The following TTC28 variants were observed in gnomAD, a reference collection of about 807,000 sequenced individuals.
TTC28 encodes tetratricopeptide repeat protein 28.
A neutral mutation model predicts 198.0 loss-of-function variants in TTC28; 61 were observed. The observed-to-expected ratio is 0.31, with a 90% CI of 0.25 to 0.38. The LOEUF (loss-of-function observed/expected upper bound fraction) is 0.38, where lower values mean the gene tolerates loss of function less well. Ranked by LOEUF, TTC28 falls within the 10% of genes least tolerant of loss-of-function variation. The pLI is 1.00. For missense variants in TTC28, 2,678 were observed against 3,164.0 expected (o/e 0.85, Z 3.69); for synonymous variants, 1,171 against 1,297.8 (o/e 0.90, Z 2.10).
chr22:28,138,321 C>CA (rs1201116025), intron 6 of TTC28, among the ~76,000 whole-genome samples: 2 of 152,140 alleles, frequency 1.3e-5, no homozygotes, highest in Admixed American at 6.5e-5. Context: ...TAAAGGGATG[C>CA]ACTGCTAGAC....
chr22:28,576,814 T>C (rs376277554), intron 2 of TTC28, among the ~76,000 whole-genome samples: 2 of 152,238 alleles, frequency 1.3e-5, no homozygotes, highest in East Asian at 3.9e-4. Flanking sequence ...ATTTCTGCAG[T>C]ATCAGATGTA....
chr22:28,570,171 A>G (rs1463893585), intron 2 of TTC28, among the ~76,000 whole-genome samples: 3 of 152,230 alleles, frequency 2.0e-5, no homozygotes, highest in Non-Finnish European at 4.4e-5. Flanking sequence ...ATAACTTAAA[A>G]TAGAACTACT....
intron 2 of TTC28, among the ~76,000 whole-genome samples, chr22:28,321,366 T>C (rs1183642794): frequency 5.3e-5 from 8 of 152,236 alleles, no homozygotes; most frequent in Non-Finnish European, 1.2e-4. Flanking sequence ...TTCATGTTCA[T>C]AAATTTTCTG....
chr22:28,447,099 A>G (rs2047713103), intron 2 of TTC28, among the ~76,000 whole-genome samples: 1 of 152,176 alleles, frequency 6.6e-6, no homozygotes, highest in Non-Finnish European at 1.5e-5. Context: ...CTTATAAACC[A>G]CTGTCTGGGT....
intron 1 of TTC28, among the ~76,000 whole-genome samples, chr22:28,632,321 G>A (rs1410752212): frequency 2.4e-5 from 3 of 122,910 alleles, no homozygotes; most frequent in African/African-American, 9.2e-5. Context: ...AGGCTGGAGT[G>A]CAATGGCATG....
chr22:28,216,184 T>C (rs2147191439), intron 5 of TTC28, among the ~76,000 whole-genome samples: 1 of 152,312 alleles, frequency 6.6e-6, no homozygotes, highest in Non-Finnish European at 1.5e-5. Flanking sequence ...TGAGAAATGG[T>C]CTCTGTCTTT....
intron 2 of TTC28, among the ~76,000 whole-genome samples, chr22:28,512,714 A>G (rs1325395315): frequency 6.6e-6 from 1 of 152,136 alleles, no homozygotes; most frequent in East Asian, 1.9e-4. Context: ...TGTAAGTGGG[A>G]GCTGAATGGT....
chr22:28,086,167 T>C (rs1041600690), intron 12 of TTC28, among the ~76,000 whole-genome samples: 2 of 152,208 alleles, frequency 1.3e-5, no homozygotes, highest in Admixed American at 6.5e-5. Flanking sequence ...GCGGACCTAA[T>C]AGACATCTAC....
At chr22:28,414,828 G>T (rs576818342) in intron 2 of TTC28, among the ~76,000 whole-genome samples, 1 of 152,230 alleles carries the variant, frequency 6.6e-6, no homozygotes, top group East Asian at 1.9e-4. Flanking sequence ...TTCCAATTTT[G>T]CATGGAAACT....
rs986137574 is a variant in TTC28, at chr22:27,983,184, C to T, written c.6483G>A (p.Glu2161=). 6 of 1,551,828 alleles carry T rather than the reference C, an allele frequency of 3.9e-6. No individual in the cohort carries two copies. The highest frequency in any genetic ancestry group is 5.2e-6 in the Non-Finnish European group (6 of 1,147,030). Residue 2161 remains glutamate (E), a synonymous_variant, in exon 23 of 23, where the codon GAG becomes GAA. Coordinates refer to ENST00000397906, the MANE Select transcript of TTC28 (RefSeq NM_001145418.2). The part of the protein sequence containing the change: ...EESNPKLDPQ[E]LAQKILEETQ... The stretch of plus-strand genomic sequence containing the variant: ...TCTCCTCCAGAATTTTCTGGGCTAA[C>T]TCTTGTGGATCCAGTTTTGGGTTGC...
intron 1 of TTC28, among the ~76,000 whole-genome samples, chr22:28,650,429 C>A (rs2051546679): frequency 6.6e-6 from 1 of 152,174 alleles, no homozygotes. Context: ...CCAGACCACC[C>A]AGTTTTCCAC....
chr22:28,275,420 T>A (rs774430406), intron 5 of TTC28, among the ~76,000 whole-genome samples: 1 of 152,178 alleles, frequency 6.6e-6, no homozygotes, highest in Non-Finnish European at 1.5e-5. Flanking sequence ...CAGGATCTCA[T>A]ATGCAGTGAA....
chr22:28,573,996 C>G (rs1043847548), intron 2 of TTC28, among the ~76,000 whole-genome samples: 1 of 152,016 alleles, frequency 6.6e-6, no homozygotes, highest in Non-Finnish European at 1.5e-5. Context: ...AGCTCCAGTC[C>G]TATTCACGTT....
intron 5 of TTC28, among the ~76,000 whole-genome samples, chr22:28,289,080 G>C (rs961507747): frequency 1.3e-5 from 2 of 152,192 alleles, no homozygotes; most frequent in Non-Finnish European, 2.9e-5. Flanking sequence ...CTAGGTAAAA[G>C]AGATGGGAGG....
intron 12 of TTC28, among the ~76,000 whole-genome samples, chr22:28,035,908 T>C (rs1939322152): frequency 6.6e-6 from 1 of 151,992 alleles, no homozygotes. Flanking sequence ...ACATAAATGG[T>C]TAAAGGGATC....
At chr22:28,040,301 C>A (rs1443414552) in intron 12 of TTC28, among the ~76,000 whole-genome samples, 1 of 152,268 alleles carries the variant, frequency 6.6e-6, no homozygotes, top group East Asian at 1.9e-4. Context: ...GAATTTTAGG[C>A]CAATATCCCT....
chr22:28,572,871 A>C (rs1455381951), intron 2 of TTC28, among the ~76,000 whole-genome samples: 1 of 152,168 alleles, frequency 6.6e-6, no homozygotes, highest in Non-Finnish European at 1.5e-5. Flanking sequence ...AAGGGAGGCC[A>C]GGTGCAGTGG....
At chr22:28,214,804 A>C (rs1275772386) in intron 5 of TTC28, among the ~76,000 whole-genome samples, 1 of 152,220 alleles carries the variant, frequency 6.6e-6, no homozygotes, top group Non-Finnish European at 1.5e-5. Context: ...AGGATTATAA[A>C]TCATGCTGCT....
chr22:28,045,925 G>A (rs774834112), intron 12 of TTC28, among the ~76,000 whole-genome samples: 7 of 152,166 alleles, frequency 4.6e-5, no homozygotes, highest in Non-Finnish European at 1.0e-4. Flanking sequence ...AGCCGAGAAG[G>A]CACCACTGTA....
Sources: allele counts gnomAD v4.1 joint callset (sites outside exome capture counted in the v4.1 genomes callset), GRCh38; gene constraint gnomAD v4.1.1; transcripts MANE v1.5; gene names NCBI Gene and HGNC (gene_info 2026-07-23, HGNC 2026-07-21).